The following AGAP1 variants were observed in gnomAD, a reference collection of about 807,000 sequenced individuals.
AGAP1 encodes ArfGAP with GTPase domain, ankyrin repeat and PH domain 1, also known as arf-GAP with GTPase, ANK repeat and PH domain-containing protein 1.
Under a neutral mutation model 105.3 loss-of-function variants are expected in AGAP1, and 29 were observed. That is an observed-to-expected ratio of 0.28 (90% CI 0.21 to 0.38). The LOEUF is 0.38. AGAP1 is among the 10% of genes least tolerant of loss of function. AGAP1 has a pLI of 1.00. For synonymous variants in AGAP1, 509 were observed against 485.9 expected (o/e 1.05, Z -0.63); for missense variants, 998 against 1,165.1 (o/e 0.86, Z 2.09).
chr2:236,123,749 G>T lies in AGAP1; in HGVS notation c.2371-170G>T, dbSNP rs1478215884. On this transcript the variant is annotated intron_variant, in intron 17 of 17. Coordinates refer to ENST00000304032, the MANE Select transcript of AGAP1 (RefSeq NM_001037131.3). The surrounding 1 kb of genome is among the most constrained non-coding windows in gnomAD (Gnocchi z 4.6). ...TTCCTTAAAAGAATCCGCTGGCCAC[G>T]GGTGCAGGCTGTGCCACCAGCACTG... 1.3e-5 allele frequency among the ~76,000 whole-genome samples: 2 copies of T among 152,122 alleles called. No individual in the cohort carries two copies. The highest frequency in any genetic ancestry group is 2.9e-5 in the Non-Finnish European group (2 of 68,024).
At chr2:235,571,839 C>G (rs181768337) in intron 1 of AGAP1, among the ~76,000 whole-genome samples, 2 of 151,694 alleles carry the variant, frequency 1.3e-5, no homozygotes, top group East Asian at 2.0e-4. Context: ...CTCAAATGGT[C>G]CTCCAATCTT....
rs913752503 is a variant in AGAP1, at chr2:235,905,216, T to G, written c.1156-3522T>G. On this transcript the variant is annotated intron_variant, in intron 10 of 17. Transcript: ENST00000304032. This position sits in a 1 kb window ranked among gnomAD's most constrained non-coding sequence, Gnocchi z 4.2. ...TTAGTCACTATCTGATTAGCCTCATTTTAGAGCCCATAAGCAATAAATGCT... is the reference window on the plus strand; with the variant it reads ...TTAGTCACTATCTGATTAGCCTCATGTTAGAGCCCATAAGCAATAAATGCT... Among the ~76,000 whole-genome samples the G allele has an allele frequency of 2.6e-5, 4 of 152,232 alleles. No individual in the cohort carries two copies. Among genetic ancestry groups the G allele is most frequent in the African/African-American group, 9.6e-5 (4 of 41,454 alleles).
rs1046873131 is a variant in AGAP1, at chr2:236,092,220, T to C, written c.2115-27972T>C. 1.3e-5 allele frequency among the ~76,000 whole-genome samples: 2 copies of C among 152,130 alleles called. No individual in the cohort carries two copies. Among genetic ancestry groups the C allele is most frequent in the African/African-American group, 2.4e-5 (1 of 41,424 alleles). ...ACCAAATTGCATTGAACCAATTCCATGGACACATAAATACAAATGACCACA... is the reference window on the plus strand; with the variant it reads ...ACCAAATTGCATTGAACCAATTCCACGGACACATAAATACAAATGACCACA... On this transcript the variant is annotated intron_variant, in intron 16 of 17. Transcript: ENST00000304032. This position sits in a 1 kb window ranked among gnomAD's most constrained non-coding sequence, Gnocchi z 4.7.
rs1221521001 is a variant in AGAP1 at position 235,612,716 on chromosome 2, G to A, written c.164-96463G>A. 6.7e-6 allele frequency among the ~76,000 whole-genome samples: 1 copy of A among 150,216 alleles called. No individual in the cohort carries two copies. Among genetic ancestry groups the A allele is most frequent in the Non-Finnish European group, 1.5e-5 (1 of 67,656 alleles). On this transcript the variant is annotated intron_variant, in intron 1 of 17. Coordinates refer to ENST00000304032, the MANE Select transcript of AGAP1 (RefSeq NM_001037131.3). The surrounding 1 kb of genome is among the most constrained non-coding windows in gnomAD (Gnocchi z 4.3). ...GGGCACAGTGGTCCTTTTGCATGGGGTGGCCGGCCAGGTGTGCTGAGTGCC... is the reference window on the plus strand; with the variant it reads ...GGGCACAGTGGTCCTTTTGCATGGGATGGCCGGCCAGGTGTGCTGAGTGCC...
rs1949712954 is a variant in AGAP1 at position 235,691,082 on chromosome 2, C to T, written c.164-18097C>T. 6.6e-6 allele frequency among the ~76,000 whole-genome samples: 1 copy of T among 152,056 alleles called. No individual in the cohort carries two copies. Among genetic ancestry groups the T allele is most frequent in the Non-Finnish European group, 1.5e-5 (1 of 68,020 alleles). On this transcript the variant is annotated intron_variant, in intron 1 of 17. Coordinates refer to ENST00000304032, the MANE Select transcript of AGAP1 (RefSeq NM_001037131.3). The surrounding 1 kb of genome is among the most constrained non-coding windows in gnomAD (Gnocchi z 4.4). ...GTGGGGGTTGTAGACAAGATTCTACCCCCTCCTCCAGACTCTGCTCCCTAG... is the reference window on the plus strand; with the variant it reads ...GTGGGGGTTGTAGACAAGATTCTACTCCCTCCTCCAGACTCTGCTCCCTAG...
Position 235,595,151 on chromosome 2 carries a change from G to A in AGAP1, c.163+100302G>A, listed in dbSNP as rs564827197. Among the ~76,000 whole-genome samples the A allele has an allele frequency of 1.2e-4, 19 of 152,180 alleles. No homozygotes were observed. The East Asian group carries it at 1.6e-3, about 12-fold the overall frequency. ...AATAAGGGGCAGCCTTGACTCAGAC[G>A]GCTTGGGAGAGGAGTAAGTGCAGCC... On this transcript the variant is annotated intron_variant, in intron 1 of 17. Coordinates refer to ENST00000304032, the MANE Select transcript of AGAP1 (RefSeq NM_001037131.3).
At chr2:236,112,712 G>C (rs984932259) in intron 16 of AGAP1, among the ~76,000 whole-genome samples, 1 of 152,194 alleles carries the variant, frequency 6.6e-6, no homozygotes, top group Non-Finnish European at 1.5e-5. Context: ...GCATTCACAC[G>C]CACACGCACA....
chr2:235,931,903 A>AGCAGACACACACAGCGTCAC lies in AGAP1; in HGVS notation c.1483+983_1483+1002dup, dbSNP rs1277283674. Among the ~76,000 whole-genome samples, 2 of 152,036 alleles carry AGCAGACACACACAGCGTCAC rather than the reference A, an allele frequency of 1.3e-5. No individual in the cohort carries two copies. Among genetic ancestry groups the AGCAGACACACACAGCGTCAC allele is most frequent in the African/African-American group, 4.8e-5 (2 of 41,378 alleles). ...GGTCTGGAAGAGCCTTGTGACTTGG[A>AGCAGACACACACAGCGTCAC]GCAGACACACACAGCGTCACGCGGC... On this transcript the variant is annotated intron_variant, in intron 12 of 17. Transcript: ENST00000304032. This position sits in a 1 kb window ranked among gnomAD's most constrained non-coding sequence, Gnocchi z 5.6.
At chr2:235,711,563 T>C (rs569485656) in intron 2 of AGAP1, among the ~76,000 whole-genome samples, 1 of 152,250 alleles carries the variant, frequency 6.6e-6, no homozygotes, top group African/African-American at 2.4e-5. Flanking sequence ...TCGATGCTGT[T>C]GGTTCTACAG....
At chr2:235,826,743 C>T (rs1223934735) in intron 9 of AGAP1, among the ~76,000 whole-genome samples, 4 of 152,144 alleles carry the variant, frequency 2.6e-5, no homozygotes, top group Admixed American at 6.5e-5. Context: ...CGGCTTGCTT[C>T]CCCATATCTT....
chr2:235,778,751 C>T (rs986650012), intron 6 of AGAP1, among the ~76,000 whole-genome samples: 6 of 152,212 alleles, frequency 3.9e-5, no homozygotes, highest in Non-Finnish European at 5.9e-5. Flanking sequence ...CTGGAGATGA[C>T]GGTGGCCTCT....
intron 6 of AGAP1, among the ~76,000 whole-genome samples, chr2:235,781,353 G>A (rs761486877): frequency 6.6e-5 from 10 of 152,164 alleles, no homozygotes; most frequent in East Asian, 1.9e-4. Flanking sequence ...GGAAATGGAC[G>A]TTTGAAGGTA....
rs1035406385 is a variant in AGAP1, at chr2:235,901,906, A to G, written c.1156-6832A>G. Among the ~76,000 whole-genome samples the G allele has an allele frequency of 6.6e-6, 1 of 151,378 alleles. No homozygotes were observed. The highest frequency in any genetic ancestry group is 2.4e-5 in the African/African-American group (1 of 41,214). ...AAAAAAAAAAAAAAATTATGGAGGG[A>G]CCCCAAAGAGCTTTTGTTCATATGG... is the stretch of plus-strand genomic sequence containing the variant. On this transcript the variant is annotated intron_variant, in intron 10 of 17. Transcript: ENST00000304032. This position sits in a 1 kb window ranked among gnomAD's most constrained non-coding sequence, Gnocchi z 4.3.
At position 235,930,966 on chromosome 2, in the gene AGAP1, G is replaced by A; in HGVS notation, c.1483+43G>A. The A allele has an allele frequency of 6.3e-7, 1 of 1,598,366 alleles. No individual in the cohort carries two copies. Among genetic ancestry groups the A allele is most frequent in the Non-Finnish European group, 8.5e-7 (1 of 1,171,628 alleles). On this transcript the variant is annotated intron_variant, in intron 12 of 17. Coordinates refer to ENST00000304032, the MANE Select transcript of AGAP1 (RefSeq NM_001037131.3). This position sits in a 1 kb window ranked among gnomAD's most constrained non-coding sequence, Gnocchi z 7.9. Reference sequence around the variant, plus strand: ...CCCACGGACCCGCAGCCACCTCAAGGTCCTTCGTTGTAAGCCAGGGGCTGG... The same window carrying A: ...CCCACGGACCCGCAGCCACCTCAAGATCCTTCGTTGTAAGCCAGGGGCTGG...
At chr2:235,518,814 T>G (rs1291466180) in intron 1 of AGAP1, among the ~76,000 whole-genome samples, 1 of 152,222 alleles carries the variant, frequency 6.6e-6, no homozygotes, top group African/African-American at 2.4e-5. Context: ...CTGCATGTCC[T>G]CAGGTTAAAC....
intron 1 of AGAP1, among the ~76,000 whole-genome samples, chr2:235,581,137 A>C (rs1299775755): frequency 3.6e-5 from 2 of 55,824 alleles, no homozygotes; most frequent in Admixed American, 3.3e-4. Context: ...TCTCAAGCAA[A>C]AAAAAAAAAA....
chr2:235,895,748 T>TG (rs774808870), intron 10 of AGAP1, among the ~76,000 whole-genome samples: 17,883 of 60,556 alleles, frequency 0.3, 1,333 homozygotes, highest in Admixed American at 0.39. Flanking sequence ...GATGGATGGA[T>TG]GAATGGAGGC....
In AGAP1 at chr2:235,578,800, A is replaced by AAATTT. The variant is rs367778173; in HGVS notation, c.163+83951_163+83952insAATTT. On this transcript the variant is annotated intron_variant, in intron 1 of 17. Coordinates refer to ENST00000304032, the MANE Select transcript of AGAP1 (RefSeq NM_001037131.3). The surrounding 1 kb of genome is among the most constrained non-coding windows in gnomAD (Gnocchi z 4.9). ...ACTCAGTCTCAAAAAAAAAAAAAAA[A>AAATTT]TTTTTTTTTTACAATAAGCTATTTA... 2.9e-3 allele frequency among the ~76,000 whole-genome samples: 405 copies of AAATTT among 139,772 alleles called. 1 individual carries two copies. Among genetic ancestry groups the AAATTT allele is most frequent in the South Asian group, 4.4e-3 (19 of 4,324 alleles). The allele number at this position is 139,772 out of a possible 152,430, so 91.7% of individuals were successfully genotyped here.
rs928877700 is a variant in AGAP1, at chr2:236,120,065, G to A, written c.2115-127G>A. On this transcript the variant is annotated intron_variant, in intron 16 of 17. Transcript: ENST00000304032. This position sits in a 1 kb window ranked among gnomAD's most constrained non-coding sequence, Gnocchi z 6.0. ...CGTTTCCCCCAGGGGGCTTTGTGCC[G>A]AGTGAAGACCTTTGCTTTCTGTTAT... 15 of 1,348,558 alleles carry A rather than the reference G, an allele frequency of 1.1e-5. No homozygotes were observed. Among genetic ancestry groups the A allele is most frequent in the African/African-American group, 2.9e-5 (2 of 68,276 alleles). The allele number at this position is 1,348,558 out of a possible 1,614,324, so 83.5% of individuals were successfully genotyped here.
Sources: allele counts gnomAD v4.1 joint callset (sites outside exome capture counted in the v4.1 genomes callset), GRCh38; gene constraint gnomAD v4.1.1; non-coding constraint Gnocchi (gnomAD v3.1); transcripts MANE v1.5; gene names NCBI Gene and HGNC (gene_info 2026-07-23, HGNC 2026-07-21).